GRID1: variants seen among roughly 807,000 people sequenced by gnomAD.
The protein encoded by GRID1 is glutamate receptor ionotropic, delta-1.
GRID1 carries 28 observed loss-of-function variants against 98.0 expected under a neutral mutation model. The ratio of observed to expected loss-of-function variants is 0.29; its 90% CI spans 0.21 to 0.39. The LOEUF is 0.39. Ranked by LOEUF, GRID1 falls within the 10% of genes least tolerant of loss-of-function variation. The pLI, the probability that GRID1 is intolerant of heterozygous loss-of-function variation, is 1.00. For synonymous variants in GRID1, 553 were observed against 538.5 expected, an observed-to-expected ratio of 1.03 and a Z score of -0.37; for missense variants, 1,111 against 1,340.5, an observed-to-expected ratio of 0.83 and a Z score of 2.67.
intron 4 of GRID1, among the ~76,000 whole-genome samples, chr10:86,089,707 G>T (rs1036851545): frequency 2.6e-5 from 4 of 151,816 alleles, no homozygotes; most frequent in Admixed American, 6.6e-5. Context: ...GAAAATCTCA[G>T]CAAGGAAATA....
intron 8 of GRID1, among the ~76,000 whole-genome samples, chr10:85,850,713 C>T (rs988472262): frequency 2.0e-5 from 3 of 152,322 alleles, no homozygotes; most frequent in East Asian, 3.9e-4. Context: ...AAAGCTGATG[C>T]CCTGTGCCAT....
At chr10:85,642,692 T>G (rs1843137154) in intron 13 of GRID1, among the ~76,000 whole-genome samples, 1 of 152,218 alleles carries the variant, frequency 6.6e-6, no homozygotes, top group Non-Finnish European at 1.5e-5. Context: ...CATCTTTGCC[T>G]CATCAAAGCC....
chr10:86,350,997 T>G (rs904623751), intron 2 of GRID1, among the ~76,000 whole-genome samples: 1 of 152,214 alleles, frequency 6.6e-6, no homozygotes, highest in Non-Finnish European at 1.5e-5. Flanking sequence ...TCTACTTCTA[T>G]GAGTTCAATG....
Position 86,213,080 on chromosome 10 carries a change from C to T in GRID1, c.236-6432G>A, listed in dbSNP as rs148058645. On this transcript the variant is annotated intron_variant, in intron 2 of 15. Coordinates refer to ENST00000327946, the MANE Select transcript of GRID1 (RefSeq NM_017551.3). ...TTTCAGTGATTCTCTGCCCACTTTCCAACTTCCCAGAGACCTGCAGCAACC... is the reference window on the plus strand; with the variant it reads ...TTTCAGTGATTCTCTGCCCACTTTCTAACTTCCCAGAGACCTGCAGCAACC... Among the ~76,000 whole-genome samples, 417 of 152,296 alleles carry T rather than the reference C, an allele frequency of 2.7e-3. 2 individuals are homozygous for T. The highest frequency in any genetic ancestry group is 9.5e-3 in the African/African-American group (395 of 41,546).
At chr10:85,687,860 G>T (rs377158539) in intron 12 of GRID1, among the ~76,000 whole-genome samples, 2 of 152,142 alleles carry the variant, frequency 1.3e-5, no homozygotes, top group Non-Finnish European at 2.9e-5. Context: ...GTGTGTTTTG[G>T]GGGAGAGGGG....
chr10:86,066,698 C>G (rs964470037), intron 4 of GRID1, among the ~76,000 whole-genome samples: 3 of 152,210 alleles, frequency 2.0e-5, no homozygotes, highest in African/African-American at 7.2e-5. Flanking sequence ...ACTCAGTTAA[C>G]AGCCTCTGAA....
intron 6 of GRID1, among the ~76,000 whole-genome samples, chr10:85,862,902 G>A (rs1279492770): frequency 6.6e-6 from 1 of 152,186 alleles, no homozygotes; most frequent in Non-Finnish European, 1.5e-5. Flanking sequence ...GGGCAGGGAA[G>A]CAAGCAAGAT....
In GRID1 at chr10:85,992,857, T is replaced by C. The variant is rs191065537; in HGVS notation, c.727-76618A>G. Among the ~76,000 whole-genome samples the C allele has an allele frequency of 3.8e-3, 580 of 151,948 alleles. 2 individuals are homozygous for C. Among genetic ancestry groups the C allele is most frequent in the African/African-American group, 0.013 (545 of 41,430 alleles). ...TAGTCTCAGCAACTTGGGAGGCTGA[T>C]GCAGTAGGACTGCTTGAGCCCAGGA... On this transcript the variant is annotated intron_variant, in intron 4 of 15. Coordinates refer to ENST00000327946, the MANE Select transcript of GRID1 (RefSeq NM_017551.3).
At chr10:85,647,445 A>G in intron 12 of GRID1, 48 bp from the exon 13 acceptor site, 1 of 1,435,316 alleles carries the variant, frequency 7.0e-7, no homozygotes, top group Non-Finnish European at 9.8e-7. Flanking sequence ...TGTGCATTGC[A>G]CACTGCAAGG....
rs577135644 is a variant in GRID1, at chr10:86,189,338, C to T, written c.520+17026G>A. 2.6e-5 allele frequency among the ~76,000 whole-genome samples: 4 copies of T among 152,120 alleles called. No homozygotes were observed. In the South Asian group the frequency reaches 8.3e-4, roughly 32 times the overall value. ...GCCTAACTAGTCGGCTTCCAACTCC[C>T]GTCACTTCCTGCTACAAAGTGGCCC... On this transcript the variant is annotated intron_variant, in intron 3 of 15. Transcript: ENST00000327946.
At chr10:85,919,550 C>A (rs1841672127) in intron 4 of GRID1, among the ~76,000 whole-genome samples, 1 of 152,186 alleles carries the variant, frequency 6.6e-6, no homozygotes, top group Admixed American at 6.5e-5. Flanking sequence ...TACTGGAGGG[C>A]TGCCAGCTCT....
chr10:86,262,276 C>G (rs1336771125), intron 2 of GRID1, among the ~76,000 whole-genome samples: 1 of 152,232 alleles, frequency 6.6e-6, no homozygotes, highest in Non-Finnish European at 1.5e-5. Flanking sequence ...CAATGGCTGT[C>G]TTTAAGTTTG....
intron 4 of GRID1, among the ~76,000 whole-genome samples, chr10:86,122,558 C>T (rs1049962258): frequency 2.0e-5 from 3 of 152,214 alleles, no homozygotes; most frequent in Non-Finnish European, 4.4e-5. Flanking sequence ...ACTGGAGCTC[C>T]ACTGGGTGCC....
chr10:86,202,152 AC>A (rs1270643278), intron 3 of GRID1, among the ~76,000 whole-genome samples: 4 of 152,360 alleles, frequency 2.6e-5, no homozygotes, highest in Non-Finnish European at 5.9e-5. Flanking sequence ...TAGCCCAGAG[AC>A]CAAGAAAGGA....
chr10:85,893,811 A>T (rs1327869614), intron 5 of GRID1, among the ~76,000 whole-genome samples: 5 of 152,202 alleles, frequency 3.3e-5, no homozygotes. Context: ...ATTGAAATTA[A>T]ATCCTAGCAG....
In GRID1 at chr10:86,004,783, AC is replaced by A. The variant is rs1053825079; in HGVS notation, c.727-88545del. On this transcript the variant is annotated intron_variant, in intron 4 of 15. Coordinates refer to ENST00000327946, the MANE Select transcript of GRID1 (RefSeq NM_017551.3). ...AGACTTGATTCTGTTTCTCTGGAGA[AC>A]CCTAGCATCCCCTCCCTCCAGCGCT... Among the ~76,000 whole-genome samples, 10 of 144,542 alleles carry A rather than the reference AC, an allele frequency of 6.9e-5. 1 individual carries two copies. The highest frequency in any genetic ancestry group is 2.6e-4 in the African/African-American group (10 of 38,090). 94.8% of individuals were successfully genotyped at this position (144,542 alleles called of 152,430 possible). A position where few individuals can be genotyped will look rare whatever the true frequency, so the allele number is the denominator to read the frequency against.
chr10:86,203,946 C>A (rs147745333), intron 3 of GRID1, among the ~76,000 whole-genome samples: 1 of 152,158 alleles, frequency 6.6e-6, no homozygotes, highest in Non-Finnish European at 1.5e-5. Context: ...TGCAGTGGTC[C>A]TCCAGATGAA....
At chr10:85,772,166 A>T (rs1198752511) in intron 8 of GRID1, among the ~76,000 whole-genome samples, 2 of 152,058 alleles carry the variant, frequency 1.3e-5, no homozygotes, top group Non-Finnish European at 1.5e-5. Context: ...GGATTAAGAA[A>T]CTCACTCAAA....
intron 13 of GRID1, among the ~76,000 whole-genome samples, chr10:85,620,818 A>G (rs1174186408): frequency 2.0e-5 from 3 of 152,210 alleles, no homozygotes; most frequent in Admixed American, 1.3e-4. Flanking sequence ...ACATATATGC[A>G]CCCATAAATA....
Sources: allele counts gnomAD v4.1 joint callset (sites outside exome capture counted in the v4.1 genomes callset), GRCh38; gene constraint gnomAD v4.1.1; transcripts MANE v1.5; gene names NCBI Gene and HGNC (gene_info 2026-07-23, HGNC 2026-07-21).